The following ZNF445 variants were observed in gnomAD, a reference collection of about 807,000 sequenced individuals.
ZNF445 encodes the protein zinc finger protein 445.
Under a neutral mutation model 93.9 loss-of-function variants are expected in ZNF445, and 19 were observed. That is an observed-to-expected ratio of 0.20 (90% confidence interval 0.14 to 0.30). The LOEUF is 0.30. ZNF445 is among the 10% of genes least tolerant of loss of function. The probability of loss-of-function intolerance (pLI) is 1.00; values close to 1 mark genes in which losing one functional copy is unlikely to be tolerated. For synonymous variants in ZNF445, 449 were observed against 446.3 expected, an observed-to-expected ratio of 1.01 and a Z score of -0.08; for missense variants, 1,058 against 1,259.4, an observed-to-expected ratio of 0.84 and a Z score of 2.42.
intron 3 of ZNF445, 99 bp from the exon 4 acceptor site, chr3:44,451,581 G>A: frequency 3.7e-6 from 5 of 1,345,278 alleles, no homozygotes; most frequent in Non-Finnish European, 5.1e-6. Flanking sequence ...CAAAGGCCGA[G>A]GGATAGGTAA....
chr3:44,458,012 C>CAA (rs549514697), intron 2 of ZNF445, among the ~76,000 whole-genome samples: 993 of 93,740 alleles, frequency 0.011, 22 homozygotes, highest in East Asian at 0.061. Context: ...GACTCCGTCT[C>CAA]AAAAAAAAAA....
At chr3:44,459,215 T>C (rs1424902578) in intron 1 of ZNF445, among the ~76,000 whole-genome samples, 1 of 152,178 alleles carries the variant, frequency 6.6e-6, no homozygotes, top group Non-Finnish European at 1.5e-5. Flanking sequence ...TATTGTATCG[T>C]TTACAACATC....
chr3:44,452,013 A>G (rs1304224682), intron 3 of ZNF445, among the ~76,000 whole-genome samples: 1 of 152,214 alleles, frequency 6.6e-6, no homozygotes, highest in Non-Finnish European at 1.5e-5. Context: ...ACTGATAGAG[A>G]GGCAATGCTA....
At position 44,441,258 on chromosome 3, in the gene ZNF445, T is replaced by C. The variant is rs1342137290; in HGVS notation, c.*5317A>G. On this transcript the variant is annotated 3_prime_UTR_variant, in exon 8 of 8. Transcript: ENST00000396077. The stretch of plus-strand genomic sequence containing the variant: ...GTCATGGCACTGGTGGGAGTGTCTG[T>C]TAGCATGCTAATGCATTATAATTAC... 1 of 152,210 alleles carries C rather than the reference T, an allele frequency of 6.6e-6. No homozygotes were observed. Among genetic ancestry groups the C allele is most frequent in the Non-Finnish European group, 1.5e-5 (1 of 68,044 alleles). The allele number at this position is 152,210 out of a possible 1,614,324, so 9.4% of individuals were successfully genotyped here. A position where few individuals can be genotyped will look rare whatever the true frequency, so the allele number is the denominator to read the frequency against.
At chr3:44,456,008 T>A (rs779419369) in intron 2 of ZNF445, among the ~76,000 whole-genome samples, 1 of 152,224 alleles carries the variant, frequency 6.6e-6, no homozygotes, top group Non-Finnish European at 1.5e-5. Flanking sequence ...AGTAAAGATG[T>A]AAATTCTCTC....
chr3:44,449,887 T>A (rs553395142), intron 6 of ZNF445, among the ~76,000 whole-genome samples: 3 of 152,218 alleles, frequency 2.0e-5, no homozygotes, highest in Non-Finnish European at 4.4e-5. Context: ...AGCCAACATT[T>A]TTTGAATGTC....
At chr3:44,451,227 T>C (rs1697952683) in intron 4 of ZNF445, 87 bp downstream of exon 4, 7 of 1,485,318 alleles carry the variant, frequency 4.7e-6, no homozygotes, top group Non-Finnish European at 6.5e-6. Context: ...GAGATTCTCA[T>C]GAGAGGACAG....
rs1460870905 is a variant in ZNF445, at chr3:44,445,393, CCTCAA to C, written c.*1177_*1181del. The C allele has an allele frequency of 2.0e-5, 3 of 152,248 alleles. No individual in the cohort carries two copies. The highest frequency in any genetic ancestry group is 2.9e-5 in the Non-Finnish European group (2 of 68,106). 9.4% of individuals were successfully genotyped at this position (152,248 alleles called of 1,614,324 possible). A position where few individuals can be genotyped will look rare whatever the true frequency, so the allele number is the denominator to read the frequency against. On this transcript the variant is annotated 3_prime_UTR_variant, in exon 8 of 8. Coordinates refer to ENST00000396077, the MANE Select transcript of ZNF445 (RefSeq NM_181489.6). ...TAATTCAGATTCAAACCACATCACT[CCTCAA>C]CTCAAAATTGTCCAAAAGCTCCCTG...
rs867575160 is a variant in ZNF445 at position 44,450,459 on chromosome 3, T to C, written c.808A>G (p.Met270Val). The change falls in exon 6 of 8, where the codon ATG becomes GTG. Residue 270 changes from methionine to valine, a missense_variant. Coordinates refer to ENST00000396077, the MANE Select transcript of ZNF445 (RefSeq NM_181489.6). ...ATCGATTACTTACCCAGGGAAGCCATGTTCCTATAATTCTCCAGCATCACA... is the reference window on the plus strand; with the variant it reads ...ATCGATTACTTACCCAGGGAAGCCACGTTCCTATAATTCTCCAGCATCACA... ...RDVMLENYRN[M>V]ASLVGPFTKP... 3.1e-6 allele frequency: 5 copies of C among 1,614,024 alleles called. No homozygotes were observed. Among genetic ancestry groups the C allele is most frequent in the African/African-American group, 1.3e-5 (1 of 74,896 alleles).
In ZNF445 at chr3:44,442,426, T is replaced by G. The variant is rs1697823265; in HGVS notation, c.*4149A>C. ...TTGCCTGGCACAATATTTCTCACAA[T>G]TTCTACTCATAAAGCAGTGTGAATT... On this transcript the variant is annotated 3_prime_UTR_variant, in exon 8 of 8. Transcript: ENST00000396077. 1 of 152,238 alleles carries G rather than the reference T, an allele frequency of 6.6e-6. No homozygotes were observed. Among genetic ancestry groups the G allele is most frequent in the Non-Finnish European group, 1.5e-5 (1 of 68,042 alleles). 9.4% of individuals were successfully genotyped at this position (152,238 alleles called of 1,614,324 possible).
rs1697781361 is a variant in ZNF445, at chr3:44,440,103, C to T, written c.*6472G>A. On this transcript the variant is annotated 3_prime_UTR_variant, in exon 8 of 8. Coordinates refer to ENST00000396077, the MANE Select transcript of ZNF445 (RefSeq NM_181489.6). Reference sequence around the variant, plus strand: ...TGGGGTGGCAGCTGCTTAGCAGTTGCTACCTCCAAGACACCTTGGCATTTT... The same window carrying T: ...TGGGGTGGCAGCTGCTTAGCAGTTGTTACCTCCAAGACACCTTGGCATTTT... 1 of 152,236 alleles carries T rather than the reference C, an allele frequency of 6.6e-6. No individual in the cohort carries two copies. The highest frequency in any genetic ancestry group is 6.5e-5 in the Admixed American group (1 of 15,284). 9.4% of individuals were successfully genotyped at this position (152,236 alleles called of 1,614,324 possible).
chr3:44,464,144 C>CA (rs984971100), intron 1 of ZNF445, among the ~76,000 whole-genome samples: 240 of 151,800 alleles, frequency 1.6e-3, no homozygotes, highest in African/African-American at 5.3e-3. Flanking sequence ...AACAAACAAA[C>CA]AAAAAAAACA....
intron 1 of ZNF445, among the ~76,000 whole-genome samples, chr3:44,474,894 G>A (rs1280741607): frequency 1.3e-5 from 2 of 152,090 alleles, no homozygotes; most frequent in Middle Eastern, 3.4e-3. Context: ...TACTTTGGAC[G>A]GCCGAGGCAG....
Position 44,437,526 on chromosome 3 carries a change from A to C in ZNF445, c.*9049T>G, listed in dbSNP as rs955537561. 2.0e-5 allele frequency: 3 copies of C among 152,178 alleles called. No homozygotes were observed. The highest frequency in any genetic ancestry group is 2.0e-4 in the Admixed American group (3 of 15,280). 9.4% of individuals were successfully genotyped at this position (152,178 alleles called of 1,614,324 possible). On this transcript the variant is annotated 3_prime_UTR_variant, in exon 8 of 8. Coordinates refer to ENST00000396077, the MANE Select transcript of ZNF445 (RefSeq NM_181489.6). ...ATTAAGAAAGTAAAGTGGTGAAAGG[A>C]CAGCTACTCCATAGAGTAGGATGGA...
At chr3:44,463,587 G>A (rs1054340187) in intron 1 of ZNF445, among the ~76,000 whole-genome samples, 2 of 152,126 alleles carry the variant, frequency 1.3e-5, no homozygotes, top group South Asian at 2.1e-4. Flanking sequence ...AAATTACTTC[G>A]CATTATGAGA....
At chr3:44,462,776 G>A (rs1698135224) in intron 1 of ZNF445, among the ~76,000 whole-genome samples, 1 of 152,148 alleles carries the variant, frequency 6.6e-6, no homozygotes, top group African/African-American at 2.4e-5. Context: ...ATTTCATGTG[G>A]GAAGTTACCT....
At chr3:44,475,917 T>G (rs1225729068) in intron 1 of ZNF445, among the ~76,000 whole-genome samples, 1 of 152,186 alleles carries the variant, frequency 6.6e-6, no homozygotes, top group East Asian at 1.9e-4. Flanking sequence ...GAGAATCACT[T>G]GAACCCAGGA....
At chr3:44,469,395 C>G (rs1388758881) in intron 1 of ZNF445, among the ~76,000 whole-genome samples, 1 of 152,218 alleles carries the variant, frequency 6.6e-6, no homozygotes, top group African/African-American at 2.4e-5. Context: ...AGTAGAAAGA[C>G]CTTAACCCCT....
rs903911034 is a variant in ZNF445, at chr3:44,440,599, T to C, written c.*5976A>G. The C allele has an allele frequency of 1.3e-5, 2 of 152,240 alleles. No individual in the cohort carries two copies. Among genetic ancestry groups the C allele is most frequent in the African/African-American group, 4.8e-5 (2 of 41,460 alleles). 9.4% of individuals were successfully genotyped at this position (152,240 alleles called of 1,614,324 possible). A position where few individuals can be genotyped will look rare whatever the true frequency, so the allele number is the denominator to read the frequency against. On this transcript the variant is annotated 3_prime_UTR_variant, in exon 8 of 8. Transcript: ENST00000396077. ...TACTAATAGCCATTTGTATTGCTCC[T>C]GTTACCAGAAAGCGGTCGTGATCCA...
Sources: gnomAD v4.1 joint callset for allele counts (sites outside exome capture counted in the v4.1 genomes callset) on GRCh38, gnomAD v4.1.1 for gene constraint, MANE v1.5 for transcripts, NCBI Gene and HGNC (gene_info 2026-07-23, HGNC 2026-07-21) for gene names.